LAMA2: variants seen among roughly 807,000 people sequenced by gnomAD.
LAMA2 encodes the protein laminin subunit alpha 2, also known as laminin subunit alpha-2.
A neutral mutation model predicts 364.8 loss-of-function variants in LAMA2; 269 were observed. The ratio of observed to expected loss-of-function variants is 0.74; its 90% CI spans 0.67 to 0.82. The LOEUF is 0.82. LAMA2 is among the 40% of genes least tolerant of loss of function. The probability of loss-of-function intolerance (pLI) is 0.00; values close to 1 mark genes in which losing one functional copy is unlikely to be tolerated. For synonymous variants in LAMA2, 1,379 were observed against 1,370.6 expected (o/e 1.01, Z -0.14); for missense variants, 3,807 against 3,873.2 (o/e 0.98, Z 0.45).
At chr6:129,156,902 A>T (rs1320207352) in intron 8 of LAMA2, among the ~76,000 whole-genome samples, 1 of 152,050 alleles carries the variant, frequency 6.6e-6, no homozygotes, top group African/African-American at 2.4e-5. Context: ...AAAGCACAAA[A>T]CCACCGGCCA....
At position 129,442,630 on chromosome 6, in the gene LAMA2, A is replaced by G. The variant is rs549273848; in HGVS notation, c.6269-433A>G. On this transcript the variant is annotated intron_variant, in intron 43 of 64. Transcript: ENST00000421865. ...GAATTATTTATTTCATCACGCATGTATTAAGCCTAGTACCCATTAGTTATT... is the reference window on the plus strand; with the variant it reads ...GAATTATTTATTTCATCACGCATGTGTTAAGCCTAGTACCCATTAGTTATT... Among the ~76,000 whole-genome samples the G allele has an allele frequency of 1.1e-4, 17 of 152,248 alleles. No individual in the cohort carries two copies. In the East Asian group the frequency reaches 2.5e-3, roughly 22 times the overall value.
At chr6:128,907,823 T>A (rs565624445) in intron 1 of LAMA2, among the ~76,000 whole-genome samples, 1 of 152,318 alleles carries the variant, frequency 6.6e-6, no homozygotes, top group African/African-American at 2.4e-5. Flanking sequence ...ATACCTAATT[T>A]ATTGAGAGTT....
Position 129,383,202 on chromosome 6 carries a change from A to C in LAMA2, c.5040A>C (p.Glu1680Asp). ...RTNTRAKSLG[E>D]FIKELARDAE... ...ACACAAGAGCAAAGTCCCTGGGAGAATTCATTAAGGAGCTTGCCCGGGATG... is the reference window on the plus strand; with the variant it reads ...ACACAAGAGCAAAGTCCCTGGGAGACTTCATTAAGGAGCTTGCCCGGGATG... Residue 1680 changes from glutamate (E) to aspartate (D), a missense_variant, in exon 35 of 65, where the codon GAA (glutamate) becomes GAC (aspartate). By Grantham distance (45) the Glu-to-Asp change is conservative. Around this residue, in one of 3 missense-constraint regions of LAMA2, gnomAD observed 3,333 missense variants for 3,345.7 expected, o/e 1.00. Coordinates refer to ENST00000421865, the MANE Select transcript of LAMA2 (RefSeq NM_000426.4). The C allele has an allele frequency of 4.3e-6, 7 of 1,610,886 alleles. No homozygotes were observed. The highest frequency in any genetic ancestry group is 5.1e-6 in the Non-Finnish European group (6 of 1,177,416).
At chr6:129,351,316 G>C (rs1583554793) in intron 31 of LAMA2, among the ~76,000 whole-genome samples, 1 of 152,146 alleles carries the variant, frequency 6.6e-6, no homozygotes, top group African/African-American at 2.4e-5. Flanking sequence ...AATGATTACA[G>C]AAAATTTATT....
chr6:129,304,708 C>T (rs192449998), intron 22 of LAMA2, among the ~76,000 whole-genome samples: 15 of 152,264 alleles, frequency 9.9e-5, no homozygotes, highest in Middle Eastern at 3.4e-3. Context: ...TTAATTTTCA[C>T]TTGGTTTAAT....
intron 28 of LAMA2, 130 bp downstream of exon 28, chr6:129,320,785 G>C: frequency 2.9e-6 from 2 of 697,006 alleles, no homozygotes; most frequent in Middle Eastern, 2.9e-4. Flanking sequence ...CACAGTGTGA[G>C]ACACAGTGGC....
At chr6:129,358,855 C>T (rs1762939994) in intron 32 of LAMA2, among the ~76,000 whole-genome samples, 1 of 151,902 alleles carries the variant, frequency 6.6e-6, no homozygotes, top group Non-Finnish European at 1.5e-5. Context: ...TTAGTTTAGG[C>T]TGACTTTCAG....
At position 129,514,736 on chromosome 6, in the gene LAMA2, C is replaced by T. The variant is rs966756210; in HGVS notation, c.9211+141C>T. 5 of 751,248 alleles carry T rather than the reference C, an allele frequency of 6.7e-6. No individual in the cohort carries two copies. The African/African-American group carries it at 8.7e-5, about 13-fold the overall frequency. The allele number at this position is 751,248 out of a possible 1,614,324, so 46.5% of individuals were successfully genotyped here. On this transcript the variant is annotated intron_variant, in intron 64 of 64. Transcript: ENST00000421865. The stretch of plus-strand genomic sequence containing the variant: ...TTTAGAATCTGCTTAGAATCTGCAC[C>T]TTACCTAAAATTTCCAGTGTGTAAA...
At chr6:129,019,190 C>T (rs1281631386) in intron 1 of LAMA2, among the ~76,000 whole-genome samples, 1 of 152,016 alleles carries the variant, frequency 6.6e-6, no homozygotes, top group East Asian at 1.9e-4. Flanking sequence ...ATTACATGGG[C>T]AGTGAATTTT....
intron 41 of LAMA2, among the ~76,000 whole-genome samples, chr6:129,435,629 C>T (rs1329136899): frequency 6.6e-6 from 1 of 152,042 alleles, no homozygotes; most frequent in African/African-American, 2.4e-5. Context: ...GATGTCAGGT[C>T]TTTGGCTTGG....
rs946160271 is a variant in LAMA2 at position 129,197,890 on chromosome 6, G to A, written c.1782+5037G>A. Reference sequence around the variant, plus strand: ...TACATATCCGTCATAACATTCTCTTGACGTTTTTCCTAATTAAATTTATAA... The same window carrying A: ...TACATATCCGTCATAACATTCTCTTAACGTTTTTCCTAATTAAATTTATAA... On this transcript the variant is annotated intron_variant, in intron 12 of 64. Transcript: ENST00000421865. Among the ~76,000 whole-genome samples the A allele has an allele frequency of 2.0e-5, 3 of 152,044 alleles. 1 individual carries two copies. The highest frequency in any genetic ancestry group is 1.9e-4 in the East Asian group (1 of 5,194).
chr6:128,905,587 T>G (rs1441795822), intron 1 of LAMA2: 1 of 152,058 alleles, frequency 6.6e-6, no homozygotes, highest in Non-Finnish European at 1.5e-5. Context: ...AAAGGTATAA[T>G]TTCTTTTTTG....
chr6:129,419,731 T>C (rs908116598), intron 40 of LAMA2, among the ~76,000 whole-genome samples: 6 of 152,192 alleles, frequency 3.9e-5, no homozygotes, highest in African/African-American at 1.2e-4. Context: ...TGAGTCTCCT[T>C]TGAGTGCTCA....
chr6:129,116,560 T>G (rs1248108148), intron 4 of LAMA2, among the ~76,000 whole-genome samples: 1 of 152,132 alleles, frequency 6.6e-6, no homozygotes, highest in African/African-American at 2.4e-5. Flanking sequence ...TGAAGGGTTT[T>G]TCCATTCACT....
intron 3 of LAMA2, among the ~76,000 whole-genome samples, chr6:129,072,858 A>G (rs943136295): frequency 2.0e-5 from 3 of 152,236 alleles, no homozygotes; most frequent in Non-Finnish European, 2.9e-5. Flanking sequence ...AATTCTATGT[A>G]TATATTAAAC....
intron 12 of LAMA2, among the ~76,000 whole-genome samples, chr6:129,230,085 A>G (rs1321851622): frequency 6.6e-6 from 1 of 152,142 alleles, no homozygotes; most frequent in Non-Finnish European, 1.5e-5. Flanking sequence ...ATAACGAGAC[A>G]AAATATGAGA....
chr6:129,445,959 G>C (rs2114775224), intron 45 of LAMA2, 138 bp downstream of exon 45: 1 of 791,946 alleles, frequency 1.3e-6, no homozygotes, highest in African/African-American at 1.7e-5. Flanking sequence ...TGGGGTAGGA[G>C]GGGTTGGAGT....
chr6:128,970,695 T>C (rs1562881973), intron 1 of LAMA2, among the ~76,000 whole-genome samples: 1 of 152,228 alleles, frequency 6.6e-6, no homozygotes, highest in South Asian at 2.1e-4. Flanking sequence ...GATGAAGTAG[T>C]TCCCTTGTCA....
rs1047569721 is a variant in LAMA2 at position 129,328,412 on chromosome 6, G to A, written c.4311G>A (p.Gln1437=). 2 of 1,614,058 alleles carry A rather than the reference G, an allele frequency of 1.2e-6. No homozygotes were observed. Among genetic ancestry groups the A allele is most frequent in the Non-Finnish European group, 1.7e-6 (2 of 1,180,034 alleles). The stretch of plus-strand genomic sequence containing the variant: ...GTGACCCTGAAACATCGATATGCCA[G>A]GTAGTCCTCTGAGCCTTCCTTGAAC... The part of the protein sequence containing the change: ...SLCDPETSIC[Q]NCQHHTAGDF... Residue 1437 remains glutamine, a splice_region_variant and synonymous_variant, in exon 29 of 65, where the codon CAG becomes CAA. Transcript: ENST00000421865.
Sources: allele counts gnomAD v4.1 joint callset (sites outside exome capture counted in the v4.1 genomes callset), GRCh38; gene constraint gnomAD v4.1.1; regional missense constraint gnomAD v4.1.1; transcripts MANE v1.5; gene names NCBI Gene and HGNC (gene_info 2026-07-23, HGNC 2026-07-21).